Variants in XK observed in about 807,000 individuals in gnomAD.
XK encodes the protein endoplasmic reticulum membrane adapter protein XK.
XK carries 2 observed loss-of-function variants against 14.0 expected under a neutral mutation model. The ratio of observed to expected loss-of-function variants is 0.14; its 90% CI spans 0.06 to 0.45. The LOEUF (loss-of-function observed/expected upper bound fraction) is 0.45, where lower values mean the gene tolerates loss of function less well. Among genes scored for constraint, XK ranks in the 20% least tolerant of loss-of-function variants. The pLI, the probability that XK is intolerant of heterozygous loss-of-function variation, is 0.98. For synonymous variants in XK, 149 were observed against 147.5 expected (o/e 1.01, Z -0.08); for missense variants, 235 against 341.5 (o/e 0.69, Z 2.46).
At chrX:37,721,444 A>G (rs1927868454) in intron 2 of XK, among the ~76,000 whole-genome samples, 1 of 111,639 alleles carries the variant, frequency 9.0e-6, no homozygotes, top group Admixed American at 9.5e-5. Flanking sequence ...CAATACCCAC[A>G]TGAAAATAGG....
chrX:37,696,579 G>T (rs782477931), intron 2 of XK, among the ~76,000 whole-genome samples: 2 of 112,839 alleles, frequency 1.8e-5, no homozygotes, highest in Admixed American at 1.9e-4. Flanking sequence ...CACCCGGAAA[G>T]GGTAAGACCC....
chrX:37,685,826 C>T lies in XK; in HGVS notation c.-136C>T. The T allele has an allele frequency of 5.6e-6, 4 of 711,549 alleles. No homozygotes were observed. Among genetic ancestry groups the T allele is most frequent in the Non-Finnish European group, 7.5e-6 (4 of 533,272 alleles). 58.6% of individuals were successfully genotyped at this position (711,549 alleles called of 1,213,427 possible). On this transcript the variant is annotated 5_prime_UTR_variant, in exon 1 of 3. Transcript: ENST00000378616. The stretch of plus-strand genomic sequence containing the variant: ...CCGGTCGGCCGGGCCCGCGTGCCCT[C>T]GGCGGGCTGCGCAGAGCGCGGGAGC...
At chrX:37,692,521 C>T (rs1204194064) in intron 1 of XK, among the ~76,000 whole-genome samples, 2 of 112,121 alleles carry the variant, frequency 1.8e-5, no homozygotes, top group Admixed American at 1.9e-4. Flanking sequence ...CTGCCTCAGC[C>T]TCCCGAGTAG....
chrX:37,687,442 T>C (rs1556440520), intron 1 of XK, among the ~76,000 whole-genome samples: 3 of 109,377 alleles, frequency 2.7e-5, no homozygotes, highest in African/African-American at 1.0e-4. Flanking sequence ...TAATTTTCTT[T>C]TTTCTTTCTT....
intron 2 of XK, among the ~76,000 whole-genome samples, chrX:37,704,927 C>G (rs1927483064): frequency 8.9e-6 from 1 of 112,119 alleles, no homozygotes; most frequent in Non-Finnish European, 1.9e-5. Context: ...AGTGGAAGTA[C>G]ATAACAAACA....
At chrX:37,694,248 C>A in intron 1 of XK, 38 bp from the exon 2 acceptor site, 1 of 1,208,072 alleles carries the variant, frequency 8.3e-7, no homozygotes, top group African/African-American at 1.7e-5. Context: ...AGAATCCTGT[C>A]TGTCTCTAAT....
At chrX:37,705,763 T>C (rs1249802403) in intron 2 of XK, among the ~76,000 whole-genome samples, 2 of 108,432 alleles carry the variant, frequency 1.8e-5, no homozygotes, top group African/African-American at 3.4e-5. Flanking sequence ...TTCTTTCTTT[T>C]TTTTTTTGAG....
chrX:37,691,345 T>C (rs1345542335), intron 1 of XK, among the ~76,000 whole-genome samples: 3 of 112,957 alleles, frequency 2.7e-5, no homozygotes, highest in Non-Finnish European at 5.6e-5. Context: ...AAGTAAAACA[T>C]TTTTTGAAAT....
chrX:37,685,942 A>T lies in XK; in HGVS notation c.-20A>T, dbSNP rs1217338639. On this transcript the variant is annotated 5_prime_UTR_variant, in exon 1 of 3. Transcript: ENST00000378616. ...GCCGCCACTGCGTCCGTCCCCGGTG[A>T]GCGCCGCTGACGCGCGGAGATGAAA... 2 of 1,199,333 alleles carry T rather than the reference A, an allele frequency of 1.7e-6. No homozygotes were observed. The highest frequency in any genetic ancestry group is 2.2e-6 in the Non-Finnish European group (2 of 891,024).
chrX:37,688,782 CATAAT>C (rs1927146719), intron 1 of XK, among the ~76,000 whole-genome samples: 1 of 111,525 alleles, frequency 9.0e-6, no homozygotes, highest in Non-Finnish European at 1.9e-5. Flanking sequence ...AAGCTAATGA[CATAAT>C]ATATATAAAA....
Position 37,688,547 on chromosome X carries a change from T to A in XK, c.245+2341T>A, listed in dbSNP as rs185897216. 2.7e-5 allele frequency among the ~76,000 whole-genome samples: 3 copies of A among 111,660 alleles called. No individual in the cohort carries two copies. The East Asian group carries it at 8.4e-4, about 31-fold the overall frequency. Reference sequence around the variant, plus strand: ...GACGTAATTGTCCCCATTTTGTAGGTGAAGAAAATGAGGCCTCAGACTATG... The same window carrying A: ...GACGTAATTGTCCCCATTTTGTAGGAGAAGAAAATGAGGCCTCAGACTATG... On this transcript the variant is annotated intron_variant, in intron 1 of 2. Coordinates refer to ENST00000378616, the MANE Select transcript of XK (RefSeq NM_021083.4).
intron 1 of XK, among the ~76,000 whole-genome samples, chrX:37,693,938 C>T (rs1246801599): frequency 2.7e-5 from 3 of 112,168 alleles, no homozygotes; most frequent in Non-Finnish European, 5.6e-5. Context: ...GTAGGTGACT[C>T]GGCTATGGCT....
chrX:37,689,419 C>T (rs1248820186), intron 1 of XK, among the ~76,000 whole-genome samples: 6 of 112,091 alleles, frequency 5.4e-5, no homozygotes, highest in Non-Finnish European at 1.1e-4. Context: ...TGATTCTTAC[C>T]CCCTTCCTTA....
chrX:37,728,196 A>G lies in XK; in HGVS notation c.1069A>G (p.Ile357Val). 8.3e-7 allele frequency: 1 copy of G among 1,211,350 alleles called. No homozygotes were observed. Among genetic ancestry groups the G allele is most frequent in the African/African-American group, 1.7e-5 (1 of 57,697 alleles). Residue 357 changes from isoleucine to valine, a missense_variant, in exon 3 of 3, where the codon ATT becomes GTT. Physicochemically the swap from Ile to Val is conservative, Grantham distance 29. Transcript: ENST00000378616. ...CAPLLVLQLLIGYCTAILFML... is the reference protein window; with the variant it reads ...CAPLLVLQLLVGYCTAILFML... ...ACCTCTGTTGGTCCTGCAGCTGCTCATTGGGTACTGCACAGCCATTCTCTT... is the reference window on the plus strand; with the variant it reads ...ACCTCTGTTGGTCCTGCAGCTGCTCGTTGGGTACTGCACAGCCATTCTCTT...
At chrX:37,722,886 G>C (rs1927907365) in intron 2 of XK, among the ~76,000 whole-genome samples, 1 of 111,581 alleles carries the variant, frequency 9.0e-6, no homozygotes, top group African/African-American at 3.2e-5. Context: ...ACTTTACATA[G>C]AGATTAAGTT....
chrX:37,722,755 C>T (rs1244356162), intron 2 of XK, among the ~76,000 whole-genome samples: 2 of 111,853 alleles, frequency 1.8e-5, no homozygotes, highest in Admixed American at 1.9e-4. Flanking sequence ...AACCATCTAC[C>T]ATCCTCCATC....
intron 1 of XK, among the ~76,000 whole-genome samples, chrX:37,688,027 ATTTC>A (rs61667945): frequency 0.01 from 803 of 77,203 alleles, 11 homozygotes; most frequent in African/African-American, 0.028. Flanking sequence ...GGCACTTATC[ATTTC>A]TTTCTTTCTT....
chrX:37,707,565 C>T (rs1556445595), intron 2 of XK, among the ~76,000 whole-genome samples: 2 of 108,572 alleles, frequency 1.8e-5, no homozygotes, highest in Non-Finnish European at 3.8e-5. Flanking sequence ...CCTCACTTCT[C>T]AGACGGGGCG....
At chrX:37,719,487 G>C (rs1927828998) in intron 2 of XK, among the ~76,000 whole-genome samples, 1 of 110,102 alleles carries the variant, frequency 9.1e-6, no homozygotes, top group East Asian at 2.8e-4. Context: ...CCACTCTACT[G>C]TAAGTTTTTC....
Sources: gnomAD v4.1 joint callset for allele counts (sites outside exome capture counted in the v4.1 genomes callset) on GRCh38, gnomAD v4.1.1 for gene constraint, MANE v1.5 for transcripts, NCBI Gene and HGNC (gene_info 2026-07-23, HGNC 2026-07-21) for gene names.